The following DEPTOR variants were observed in gnomAD, a reference collection of about 807,000 sequenced individuals.
DEPTOR encodes the protein DEP domain containing MTOR interacting protein.
DEPTOR carries 41 observed loss-of-function variants against 41.6 expected under a neutral mutation model. The ratio of observed to expected loss-of-function variants is 0.98; its 90% confidence interval spans 0.77 to 1.28. DEPTOR has a LOEUF of 1.28. Ranked by LOEUF, DEPTOR falls within the 50% of genes most tolerant of loss-of-function variation. The pLI, the probability that DEPTOR is intolerant of heterozygous loss-of-function variation, is 0.00. For synonymous variants in DEPTOR, 195 were observed against 192.3 expected, an observed-to-expected ratio of 1.01 and a Z score of -0.12; for missense variants, 514 against 527.9, an observed-to-expected ratio of 0.97 and a Z score of 0.26.
At chr8:120,016,668 A>G (rs958149669) in intron 8 of DEPTOR, among the ~76,000 whole-genome samples, 2 of 151,544 alleles carry the variant, frequency 1.3e-5, no homozygotes, top group Admixed American at 6.6e-5. Flanking sequence ...AGTGGCCTGA[A>G]CATGGCTCAC....
At chr8:120,011,180 G>A (rs1421400570) in intron 8 of DEPTOR, among the ~76,000 whole-genome samples, 1 of 152,194 alleles carries the variant, frequency 6.6e-6, no homozygotes, top group Non-Finnish European at 1.5e-5. Flanking sequence ...ATGGCTCAAG[G>A]AAGCAAAGAG....
At chr8:119,983,993 C>T (rs1828800101) in intron 4 of DEPTOR, among the ~76,000 whole-genome samples, 1 of 152,132 alleles carries the variant, frequency 6.6e-6, no homozygotes, top group Non-Finnish European at 1.5e-5. Context: ...CCTGGGAATA[C>T]TAAGAAAATG....
At chr8:119,915,945 T>TAA (rs201870960) in intron 1 of DEPTOR, among the ~76,000 whole-genome samples, 5,353 of 126,234 alleles carry the variant, frequency 0.042, 327 homozygotes, top group African/African-American at 0.12. Context: ...CTTCATTTGT[T>TAA]AAAAAAAAAA....
intron 8 of DEPTOR, among the ~76,000 whole-genome samples, chr8:120,025,490 G>T (rs1335627109): frequency 1.3e-5 from 2 of 152,120 alleles, no homozygotes; most frequent in Non-Finnish European, 2.9e-5. Flanking sequence ...TTTGGCAGAG[G>T]GTCAGATTAC....
chr8:120,007,597 C>T (rs1320648171), intron 7 of DEPTOR, among the ~76,000 whole-genome samples: 1 of 152,198 alleles, frequency 6.6e-6, no homozygotes. Flanking sequence ...AATTCACGTT[C>T]ATACCCTCTT....
intron 1 of DEPTOR, among the ~76,000 whole-genome samples, chr8:119,893,732 GCAGGAGAATTGCTTGAACC>G (rs1827479495): frequency 6.6e-6 from 1 of 151,746 alleles, no homozygotes; most frequent in East Asian, 1.9e-4. Flanking sequence ...GGAGGCTGAG[GCAGGAGAATTGCTTGAACC>G]CAGTGACAGA....
chr8:119,991,607 T>C (rs2139436), intron 4 of DEPTOR, among the ~76,000 whole-genome samples: 109,545 of 152,140 alleles, frequency 0.72, 39,543 homozygotes, highest in Middle Eastern at 0.8. Flanking sequence ...CATGAGCCAC[T>C]ACGCTTGGCT....
intron 1 of DEPTOR, among the ~76,000 whole-genome samples, chr8:119,888,452 G>T (rs1827402358): frequency 6.6e-6 from 1 of 152,160 alleles, no homozygotes. Context: ...ACTCAACAGT[G>T]GCATAAAGGG....
chr8:119,949,971 C>T (rs996218789), intron 3 of DEPTOR, among the ~76,000 whole-genome samples: 7 of 152,166 alleles, frequency 4.6e-5, no homozygotes, highest in Non-Finnish European at 2.9e-5. Flanking sequence ...CGAATCACTG[C>T]GACCAGACTG....
At chr8:119,959,167 T>C (rs1331330056) in intron 3 of DEPTOR, among the ~76,000 whole-genome samples, 37 of 144,116 alleles carry the variant, frequency 2.6e-4, no homozygotes, top group African/African-American at 9.4e-4. Context: ...TCTTTTTTTT[T>C]TTTTTTTTTT....
At chr8:119,994,009 A>C (rs913932547) in intron 4 of DEPTOR, among the ~76,000 whole-genome samples, 2 of 152,120 alleles carry the variant, frequency 1.3e-5, no homozygotes, top group Middle Eastern at 3.4e-3. Context: ...ATACAAAATT[A>C]GTGGGGTGTG....
At chr8:120,002,923 T>C in intron 5 of DEPTOR, 54 bp from the exon 6 acceptor site, 3 of 1,537,432 alleles carry the variant, frequency 2.0e-6, no homozygotes, top group Non-Finnish European at 2.6e-6. Flanking sequence ...CTATGTGCTC[T>C]AGTGAGCCGA....
intron 8 of DEPTOR, among the ~76,000 whole-genome samples, chr8:120,020,786 C>T (rs1050644605): frequency 6.6e-5 from 10 of 152,074 alleles, no homozygotes; most frequent in East Asian, 1.9e-4. Flanking sequence ...TGGCCAGACA[C>T]GGTGGCTCAT....
intron 3 of DEPTOR, among the ~76,000 whole-genome samples, chr8:119,950,444 C>CT (rs1484418242): frequency 6.6e-6 from 1 of 151,992 alleles, no homozygotes; most frequent in Non-Finnish European, 1.5e-5. Context: ...GAGACGAAGT[C>CT]TTGCTCTGTT....
At chr8:119,913,013 T>C (rs983067753) in intron 1 of DEPTOR, among the ~76,000 whole-genome samples, 1 of 152,162 alleles carries the variant, frequency 6.6e-6, no homozygotes, top group Non-Finnish European at 1.5e-5. Context: ...CTCCACCTCC[T>C]GGGTTCAAGA....
chr8:120,001,385 G>C (rs1417825608), intron 4 of DEPTOR, 140 bp from the exon 5 acceptor site: 1 of 696,088 alleles, frequency 1.4e-6, no homozygotes, highest in Admixed American at 3.4e-5. Flanking sequence ...TGGGCGGATG[G>C]GCGGCAGCTC....
intron 3 of DEPTOR, among the ~76,000 whole-genome samples, chr8:119,958,860 C>T (rs1828452508): frequency 1.3e-5 from 2 of 152,094 alleles, no homozygotes; most frequent in Non-Finnish European, 2.9e-5. Flanking sequence ...AAAGCTAGCC[C>T]AAGTTCAAGG....
At chr8:120,013,892 T>A (rs577091007) in intron 8 of DEPTOR, among the ~76,000 whole-genome samples, 36 of 151,332 alleles carry the variant, frequency 2.4e-4, no homozygotes, top group Admixed American at 2.3e-3. Flanking sequence ...CCAGCTGGCG[T>A]GCAGTGGCGG....
Position 120,001,556 on chromosome 8 carries a change from T to A in DEPTOR, c.636T>A (p.Asn212Lys). 3 of 1,612,874 alleles carry A rather than the reference T, an allele frequency of 1.9e-6. No homozygotes were observed. The highest frequency in any genetic ancestry group is 1.3e-5 in the African/African-American group (1 of 74,858). The change falls in exon 5 of 9, where the codon AAT (asparagine) becomes AAA (lysine). Residue 212 changes from asparagine (N) to lysine (K), a missense_variant. By Grantham distance (94) the Asn-to-Lys change is moderately conservative (BLOSUM62 0). Coordinates refer to ENST00000286234, the MANE Select transcript of DEPTOR (RefSeq NM_022783.4). ...ACAAGCACCCATTTGTGGACAGCAA[T>A]CTTCTCTACCAGTTCAGAATGAACT... is the stretch of plus-strand genomic sequence containing the variant. The part of the protein sequence containing the change: ...VSNKHPFVDS[N>K]LLYQFRMNFR...
Sources: allele counts gnomAD v4.1 joint callset (sites outside exome capture counted in the v4.1 genomes callset), GRCh38; gene constraint gnomAD v4.1.1; transcripts MANE v1.5; gene names NCBI Gene and HGNC (gene_info 2026-07-23, HGNC 2026-07-21).